CPXM2: variants seen among roughly 807,000 people sequenced by gnomAD.
The protein encoded by CPXM2 is inactive carboxypeptidase-like protein X2.
CPXM2 carries 66 observed loss-of-function variants against 86.1 expected under a neutral mutation model. The observed-to-expected ratio is 0.77, with a 90% confidence interval of 0.63 to 0.94. The LOEUF (loss-of-function observed/expected upper bound fraction) is 0.94. CPXM2 is among the 40% of genes least tolerant of loss of function. The probability of loss-of-function intolerance (pLI) is 0.00; values close to 1 mark genes in which losing one functional copy is unlikely to be tolerated. For synonymous variants in CPXM2, 388 were observed against 400.2 expected (o/e 0.97, Z 0.36); for missense variants, 948 against 1,026.3 (o/e 0.92, Z 1.04).
At chr10:123,894,301 C>T (rs1945316129), upstream of CPXM2, among the ~76,000 whole-genome samples, 1 of 152,142 alleles carries the variant, frequency 6.6e-6, no homozygotes, top group Non-Finnish European at 1.5e-5. Flanking sequence ...CAGAGAAGGC[C>T]CTACCCAAAC....
At chr10:123,879,894 A>G (rs1452502643) in intron 2 of CPXM2, among the ~76,000 whole-genome samples, 2 of 152,198 alleles carry the variant, frequency 1.3e-5, no homozygotes, top group African/African-American at 4.8e-5. Flanking sequence ...AGGTCCCACA[A>G]GAGAGGAAAT....
At chr10:123,747,716 T>C (rs997429838) in intron 13 of CPXM2, among the ~76,000 whole-genome samples, 2 of 152,132 alleles carry the variant, frequency 1.3e-5, no homozygotes, top group African/African-American at 4.8e-5. Flanking sequence ...TCCTCAGCTC[T>C]AGGCTAGATC....
At chr10:123,805,086 C>T (rs1847551252) in intron 4 of CPXM2, among the ~76,000 whole-genome samples, 1 of 152,034 alleles carries the variant, frequency 6.6e-6, no homozygotes, top group Non-Finnish European at 1.5e-5. Context: ...CATATTGTCT[C>T]AGAGTTCTAA....
intron 3 of CPXM2, among the ~76,000 whole-genome samples, chr10:123,851,168 T>C (rs1848590965): frequency 6.6e-6 from 1 of 152,228 alleles, no homozygotes; most frequent in Non-Finnish European, 1.5e-5. Context: ...CCAGTCACAC[T>C]GGCTTTGCCT....
chr10:123,937,512 C>T (rs113140281), intron 2 of CPXM2, among the ~76,000 whole-genome samples: 2,645 of 141,756 alleles, frequency 0.019, 77 homozygotes, highest in African/African-American at 0.066. Flanking sequence ...CACACACACA[C>T]ACACACACTA....
At chr10:123,902,979 C>T (rs1945397962) in intron 2 of CPXM2, among the ~76,000 whole-genome samples, 1 of 152,248 alleles carries the variant, frequency 6.6e-6, no homozygotes, top group African/African-American at 2.4e-5. Context: ...GACATAGTTG[C>T]CACCACCTGG....
intron 6 of CPXM2, among the ~76,000 whole-genome samples, chr10:123,788,326 T>C (rs1268129458): frequency 6.6e-6 from 1 of 151,064 alleles, no homozygotes; most frequent in Non-Finnish European, 1.5e-5. Flanking sequence ...AAATACAGCC[T>C]TTTACCTCCC....
rs1441253434 is a variant in CPXM2 at position 123,774,781 on chromosome 10, C to T, written c.979-3742G>A. Among the ~76,000 whole-genome samples, 3 of 152,184 alleles carry T rather than the reference C, an allele frequency of 2.0e-5. No individual in the cohort carries two copies. The East Asian group carries it at 5.8e-4, about 29-fold the overall frequency. On this transcript the variant is annotated intron_variant, in intron 7 of 13. Transcript: ENST00000241305. ...TCCCAAGAATGCTACAACAGAAACC[C>T]ATCATAAACGGAGAAGCAACATGCA...
intron 5 of CPXM2, 25 bp downstream of exon 5, chr10:123,799,090 T>A (rs772372351): frequency 6.2e-7 from 1 of 1,613,376 alleles, no homozygotes; most frequent in Admixed American, 1.7e-5. Context: ...AAGAAAGGCA[T>A]GGTTAAATGG....
chr10:123,764,656 T>G (rs1408852810), intron 10 of CPXM2, among the ~76,000 whole-genome samples: 4 of 152,136 alleles, frequency 2.6e-5, no homozygotes, highest in African/African-American at 7.2e-5. Flanking sequence ...CTGGCTAATT[T>G]TTGTATTTTT....
At chr10:123,905,932 G>A (rs553587866) in intron 2 of CPXM2, among the ~76,000 whole-genome samples, 17 of 152,048 alleles carry the variant, frequency 1.1e-4, no homozygotes, top group Non-Finnish European at 2.1e-4. Flanking sequence ...TCCAGAGCCC[G>A]AGCTCTGGCT....
intron 4 of CPXM2, among the ~76,000 whole-genome samples, chr10:123,826,048 C>T (rs77598254): frequency 0.021 from 3,268 of 152,250 alleles, 126 homozygotes; most frequent in African/African-American, 0.073. Flanking sequence ...TGGATGGTGA[C>T]GATGGGCCAG....
intron 2 of CPXM2, among the ~76,000 whole-genome samples, chr10:123,907,490 G>T (rs1945453205): frequency 6.6e-6 from 1 of 152,120 alleles, no homozygotes; most frequent in Non-Finnish European, 1.5e-5. Context: ...GCACAGGGAG[G>T]ATGTGGTCAC....
intron 3 of CPXM2, among the ~76,000 whole-genome samples, chr10:123,854,709 G>A (rs28424121): frequency 0.18 from 27,402 of 151,120 alleles, 3,342 homozygotes; most frequent in East Asian, 0.4. Context: ...CTTCTCCAGC[G>A]ATACCTCATG....
At chr10:123,907,866 A>C (rs1945456771) in intron 2 of CPXM2, among the ~76,000 whole-genome samples, 1 of 152,196 alleles carries the variant, frequency 6.6e-6, no homozygotes, top group Admixed American at 6.5e-5. Flanking sequence ...GCAATACATC[A>C]GCAAAACATA....
intron 1 of CPXM2, among the ~76,000 whole-genome samples, chr10:123,884,080 C>A (rs1000822016): frequency 2.0e-5 from 3 of 152,034 alleles, no homozygotes; most frequent in Non-Finnish European, 4.4e-5. Context: ...CTTACAGTAG[C>A]AACCCCCAGA....
chr10:123,826,413 T>C lies in CPXM2; in HGVS notation c.653+15936A>G, dbSNP rs141237580. On this transcript the variant is annotated intron_variant, in intron 4 of 13. Transcript: ENST00000241305. The stretch of plus-strand genomic sequence containing the variant: ...GAAAGGGAAGGGAAGTTGAAAGATA[T>C]CAAAGCTAATAAATAAGTAGTGGAG... Among the ~76,000 whole-genome samples, 41 of 152,040 alleles carry C rather than the reference T, an allele frequency of 2.7e-4. 1 individual carries two copies. The highest frequency in any genetic ancestry group is 4.9e-4 in the Non-Finnish European group (33 of 68,000).
At chr10:123,897,155 T>TC (rs1227352878) in intron 2 of CPXM2, among the ~76,000 whole-genome samples, 3 of 150,192 alleles carry the variant, frequency 2.0e-5, no homozygotes, top group African/African-American at 7.4e-5. Context: ...AGCCCTGCAG[T>TC]CCTATGGAGG....
At chr10:123,914,249 A>G (rs1454401279) in intron 2 of CPXM2, 5 of 361,936 alleles carry the variant, frequency 1.4e-5, no homozygotes, top group Non-Finnish European at 2.2e-5. Flanking sequence ...CACATTAACC[A>G]TGGCTTCCTT....
Sources: allele counts gnomAD v4.1 joint callset (sites outside exome capture counted in the v4.1 genomes callset), GRCh38; gene constraint gnomAD v4.1.1; transcripts MANE v1.5; gene names NCBI Gene and HGNC (gene_info 2026-07-23, HGNC 2026-07-21).